Variants in LRP1B observed in about 807,000 individuals in gnomAD.
LRP1B encodes low-density lipoprotein receptor-related protein 1B.
In LRP1B, 217 loss-of-function variants were observed where a neutral mutation model predicts 556.6. The ratio of observed to expected loss-of-function variants is 0.39; its 90% CI spans 0.35 to 0.44. The LOEUF (loss-of-function observed/expected upper bound fraction) is 0.44, where lower values mean the gene tolerates loss of function less well. Ranked by LOEUF, LRP1B falls within the 20% of genes least tolerant of loss-of-function variation. LRP1B has a pLI of 1.00. For missense variants in LRP1B, 5,053 were observed against 5,620.8 expected (o/e 0.90, Z 3.23); for synonymous variants, 2,047 against 1,865.8 (o/e 1.10, Z -2.50).
chr2:141,448,226 C>T (rs951626904), intron 3 of LRP1B, among the ~76,000 whole-genome samples: 57 of 152,146 alleles, frequency 3.7e-4, no homozygotes, highest in Admixed American at 2.1e-3. Flanking sequence ...GAGGGGAAAA[C>T]CATCTACTCA....
Position 141,555,606 on chromosome 2 carries a change from G to T in LRP1B, c.206-75073C>A, listed in dbSNP as rs143253617. ...AAATGTCATCTTGCCTAAAATTTCT[G>T]CAGTGAAAAGGAACAAGCTCGTCAT... On this transcript the variant is annotated intron_variant, in intron 2 of 90. Transcript: ENST00000389484. Among the ~76,000 whole-genome samples the T allele has an allele frequency of 4.2e-4, 64 of 151,946 alleles. No homozygotes were observed. In the East Asian group the frequency reaches 8.1e-3, roughly 19 times the overall value.
At chr2:142,110,535 C>CA (rs947165224) in intron 1 of LRP1B, among the ~76,000 whole-genome samples, 1 of 151,962 alleles carries the variant, frequency 6.6e-6, no homozygotes, top group African/African-American at 2.4e-5. Context: ...TCTAATGTAG[C>CA]AAAAATGTCA....
At chr2:140,579,709 G>A (rs573140409) in intron 43 of LRP1B, among the ~76,000 whole-genome samples, 3 of 152,160 alleles carry the variant, frequency 2.0e-5, no homozygotes, top group Admixed American at 1.3e-4. Flanking sequence ...GGGCGTGATA[G>A]CACACACCTG....
chr2:141,876,280 C>G (rs1446424976), intron 1 of LRP1B, among the ~76,000 whole-genome samples: 1 of 151,816 alleles, frequency 6.6e-6, no homozygotes, highest in African/African-American at 2.4e-5. Flanking sequence ...TTTTCTTGAC[C>G]TTAAAAATCA....
At chr2:140,666,383 G>A (rs565211349) in intron 41 of LRP1B, among the ~76,000 whole-genome samples, 1 of 151,710 alleles carries the variant, frequency 6.6e-6, no homozygotes, top group African/African-American at 2.4e-5. Flanking sequence ...TAGGAGTCTC[G>A]GCTTTTGATG....
chr2:140,484,732 C>T (rs1281871177), intron 59 of LRP1B, among the ~76,000 whole-genome samples: 1 of 152,256 alleles, frequency 6.6e-6, no homozygotes, highest in South Asian at 2.1e-4. Context: ...GCTTTGACAC[C>T]TTCAGATGTG....
At chr2:141,993,303 C>T (rs999198547) in intron 1 of LRP1B, among the ~76,000 whole-genome samples, 3 of 152,086 alleles carry the variant, frequency 2.0e-5, no homozygotes, top group Admixed American at 2.0e-4. Flanking sequence ...CAATGGTGAC[C>T]TCTGGATACA....
chr2:141,696,841 T>C (rs2105454668), intron 2 of LRP1B, among the ~76,000 whole-genome samples: 1 of 151,960 alleles, frequency 6.6e-6, no homozygotes, highest in South Asian at 2.1e-4. Flanking sequence ...AATGACACCT[T>C]CAAAGACGGA....
intron 1 of LRP1B, among the ~76,000 whole-genome samples, chr2:141,970,688 C>T (rs1298311608): frequency 1.3e-5 from 2 of 151,516 alleles, no homozygotes; most frequent in African/African-American, 2.4e-5. Context: ...ACCATTCCTT[C>T]ATTCTAGGTT....
intron 3 of LRP1B, among the ~76,000 whole-genome samples, chr2:141,365,655 C>CTTTTTTTTTTTTTTTTGCTCT (rs781538829): frequency 8.3e-6 from 1 of 121,150 alleles, no homozygotes; most frequent in Non-Finnish European, 1.7e-5. Context: ...GTTTTTGTTG[C>CTTTTTTTTTTTTTTTTGCTCT]TTTTTTTTTT....
At chr2:142,071,894 C>A (rs534904565) in intron 1 of LRP1B, among the ~76,000 whole-genome samples, 1 of 151,880 alleles carries the variant, frequency 6.6e-6, no homozygotes, top group Non-Finnish European at 1.5e-5. Flanking sequence ...TCCAGTATGC[C>A]CAAAATGGAG....
At chr2:140,895,177 T>C (rs1279168364) in intron 23 of LRP1B, among the ~76,000 whole-genome samples, 1 of 151,748 alleles carries the variant, frequency 6.6e-6, no homozygotes, top group Non-Finnish European at 1.5e-5. Context: ...AATTAAAAAA[T>C]AATTTCAAAG....
At chr2:141,150,869 TTGTGTGTGTGTGTGTG>T (rs56107003) in intron 7 of LRP1B, among the ~76,000 whole-genome samples, 160 of 138,714 alleles carry the variant, frequency 1.2e-3, no homozygotes, top group African/African-American at 3.5e-3. Flanking sequence ...TCATGCTGGT[TTGTGTGTGTGTGTGTG>T]TGTGTGTGTG....
At chr2:141,784,591 C>G (rs1349764690) in intron 2 of LRP1B, among the ~76,000 whole-genome samples, 1 of 151,878 alleles carries the variant, frequency 6.6e-6, no homozygotes, top group African/African-American at 2.4e-5. Flanking sequence ...AGAATCTAGT[C>G]TGACTTGTAG....
chr2:140,275,957 GTC>G (rs755847978), intron 84 of LRP1B, among the ~76,000 whole-genome samples: 21 of 151,968 alleles, frequency 1.4e-4, no homozygotes, highest in Non-Finnish European at 2.7e-4. Flanking sequence ...AAGCAATCAT[GTC>G]TGTTTTTATA....
At chr2:140,492,997 C>T (rs1688766889) in intron 56 of LRP1B, among the ~76,000 whole-genome samples, 1 of 152,140 alleles carries the variant, frequency 6.6e-6, no homozygotes, top group African/African-American at 2.4e-5. Context: ...ATCTGATTGT[C>T]TGCATGAATT....
chr2:141,734,647 C>A (rs2105525901), intron 2 of LRP1B, among the ~76,000 whole-genome samples: 1 of 152,136 alleles, frequency 6.6e-6, no homozygotes, highest in East Asian at 1.9e-4. Flanking sequence ...AGTTTCAGTT[C>A]TCCTATTTTT....
intron 3 of LRP1B, among the ~76,000 whole-genome samples, chr2:141,429,847 A>G (rs1462382247): frequency 1.3e-5 from 2 of 152,178 alleles, no homozygotes; most frequent in African/African-American, 4.8e-5. Flanking sequence ...GGTGAATGAG[A>G]CAGAAAAAGA....
intron 27 of LRP1B, among the ~76,000 whole-genome samples, chr2:140,865,380 TG>T (rs1342646066): frequency 2.0e-5 from 3 of 152,054 alleles, no homozygotes; most frequent in Admixed American, 6.6e-5. Flanking sequence ...ATTTATTATT[TG>T]TTTCATGAAC....
Sources: gnomAD v4.1 joint callset for allele counts (sites outside exome capture counted in the v4.1 genomes callset) on GRCh38, gnomAD v4.1.1 for gene constraint, MANE v1.5 for transcripts, NCBI Gene and HGNC (gene_info 2026-07-23, HGNC 2026-07-21) for gene names.